Variants in BRD3 observed in about 807,000 individuals in gnomAD.
BRD3 encodes the protein bromodomain-containing protein 3.
In BRD3, 17 loss-of-function variants were observed where a neutral mutation model predicts 66.8. The ratio of observed to expected loss-of-function variants is 0.25; its 90% CI spans 0.17 to 0.38. The LOEUF (loss-of-function observed/expected upper bound fraction) is 0.38, where lower values mean the gene tolerates loss of function less well. BRD3 is among the 10% of genes least tolerant of loss of function. BRD3 has a pLI of 1.00. For missense variants in BRD3, 713 were observed against 956.1 expected (o/e 0.75, Z 3.35); for synonymous variants, 421 against 393.2 (o/e 1.07, Z -0.84).
chr9:134,050,035 G>T (rs1450212411), intron 5 of BRD3, among the ~76,000 whole-genome samples: 2 of 152,230 alleles, frequency 1.3e-5, no homozygotes, highest in African/African-American at 4.8e-5. Context: ...ACTCTCCTGA[G>T]TGTGAGCAGG....
At chr9:134,059,815 A>G (rs1371118900) in intron 1 of BRD3, among the ~76,000 whole-genome samples, 1 of 152,232 alleles carries the variant, frequency 6.6e-6, no homozygotes, top group East Asian at 1.9e-4. Flanking sequence ...TGTGCGGGCA[A>G]GGCCCCCTCA....
Position 134,040,197 on chromosome 9 carries a change from T to C in BRD3, c.1480A>G (p.Lys494Glu). 6.3e-7 allele frequency: 1 copy of C among 1,576,360 alleles called. No homozygotes were observed. The highest frequency in any genetic ancestry group is 8.6e-7 in the Non-Finnish European group (1 of 1,161,164). The change falls in exon 9 of 12, where the codon AAG becomes GAG. Residue 494 changes from lysine (K) to glutamate (E), a missense_variant. Around this residue, in one of 5 missense-constraint regions of BRD3, gnomAD observed 418 missense variants for 609.3 expected, o/e 0.69. Transcript: ENST00000303407. ...PVNKPKKKKE[K>E]KEKEKKKKDK... ...TTCTTCTTCTTCTCCTTCTCCTTCT[T>C]CTCCTTCTTCTTCTTTGGTTTGTTT...
intron 1 of BRD3, 70 bp downstream of exon 1, chr9:134,067,875 C>A (rs896717656): frequency 6.9e-6 from 1 of 144,816 alleles, no homozygotes; most frequent in African/African-American, 2.5e-5. Flanking sequence ...GCTCCCCGGC[C>A]CAGCCCGGCC....
intron 5 of BRD3, among the ~76,000 whole-genome samples, chr9:134,049,236 A>G (rs1326452621): frequency 6.6e-6 from 1 of 152,118 alleles, no homozygotes; most frequent in African/African-American, 2.4e-5. Flanking sequence ...GGCAGCCTGC[A>G]AGGGCCTCAG....
At chr9:134,036,831 A>C (rs1193200407) in intron 9 of BRD3, among the ~76,000 whole-genome samples, 1 of 151,780 alleles carries the variant, frequency 6.6e-6, no homozygotes, top group Non-Finnish European at 1.5e-5. Context: ...CCACGGTGAA[A>C]CCTCGTCTCT....
intron 7 of BRD3, 35 bp from the exon 8 acceptor site, chr9:134,041,986 G>C (rs467317): frequency 5.3e-6 from 8 of 1,521,204 alleles, no homozygotes; most frequent in Non-Finnish European, 6.2e-6. Context: ...GAAGACATGG[G>C]TGCCCATGGG....
chr9:134,050,173 G>A (rs1830259014), intron 5 of BRD3, among the ~76,000 whole-genome samples: 1 of 152,220 alleles, frequency 6.6e-6, no homozygotes, highest in Non-Finnish European at 1.5e-5. Context: ...CTTACCAGCT[G>A]TGTGACCTTC....
chr9:134,050,001 A>G lies in BRD3; in HGVS notation c.714+373T>C, dbSNP rs530532557. Among the ~76,000 whole-genome samples the G allele has an allele frequency of 2.6e-5, 4 of 152,158 alleles. No homozygotes were observed. The South Asian group carries it at 8.3e-4, about 32-fold the overall frequency. ...CTTGGGTGCTGGCACCTCACAACGC[A>G]CCCAGGTAGGTACAGCTGGCACCAC... is the stretch of plus-strand genomic sequence containing the variant. On this transcript the variant is annotated intron_variant, in intron 5 of 11. Transcript: ENST00000303407.
At chr9:134,048,987 C>T (rs776798849) in intron 5 of BRD3, among the ~76,000 whole-genome samples, 6 of 152,032 alleles carry the variant, frequency 3.9e-5, no homozygotes, top group Non-Finnish European at 7.4e-5. Flanking sequence ...AGGGGCAGCC[C>T]AACCAGGAGG....
intron 5 of BRD3, 42 bp from the exon 6 acceptor site, chr9:134,048,496 C>T: frequency 1.3e-6 from 2 of 1,596,060 alleles, no homozygotes; most frequent in Non-Finnish European, 1.7e-6. Context: ...AAACCAGGGG[C>T]CCCGAAGACG....
chr9:134,064,907 C>G (rs910015860), intron 1 of BRD3, among the ~76,000 whole-genome samples: 3 of 152,232 alleles, frequency 2.0e-5, no homozygotes, highest in African/African-American at 7.2e-5. Flanking sequence ...AACACAGGAG[C>G]AAGGCCATTC....
At chr9:134,036,472 G>T in intron 9 of BRD3, 148 bp from the exon 10 acceptor site, 1 of 1,577,578 alleles carries the variant, frequency 6.3e-7, no homozygotes, top group Middle Eastern at 1.7e-4. Context: ...GAAAATCCAA[G>T]GTTAGAAAAG....
intron 9 of BRD3, among the ~76,000 whole-genome samples, chr9:134,039,562 T>C (rs577534270): frequency 6.6e-6 from 1 of 152,302 alleles, no homozygotes; most frequent in East Asian, 1.9e-4. Flanking sequence ...GCTCCTTCCC[T>C]ACTAGCTCAC....
chr9:134,057,468 A>C, intron 1 of BRD3: 1 of 152,254 alleles, frequency 6.6e-6, no homozygotes. Flanking sequence ...CAGTGGAGAA[A>C]CACCACAAAC....
In BRD3 at chr9:134,041,753, T is replaced by C. The variant is rs767719157; in HGVS notation, c.1407+7A>G. The C allele has an allele frequency of 8.1e-6, 13 of 1,608,312 alleles. No individual in the cohort carries two copies. In the South Asian group the frequency reaches 1.1e-4, roughly 14 times the overall value. On this transcript the variant is annotated splice_region_variant and intron_variant, in intron 8 of 11. Coordinates refer to ENST00000303407, the MANE Select transcript of BRD3 (RefSeq NM_007371.4). The stretch of plus-strand genomic sequence containing the variant: ...CCTGAACCCCACCCAAGCATGCCAG[T>C]GCCCACCTGCTCCTGCAGCTCCGCC...
chr9:134,037,129 G>A (rs1441779113), intron 9 of BRD3, among the ~76,000 whole-genome samples: 1 of 152,100 alleles, frequency 6.6e-6, no homozygotes, highest in African/African-American at 2.4e-5. Flanking sequence ...CTACACAAAT[G>A]CCACTTTAAA....
At chr9:134,064,288 G>C (rs1364144672) in intron 1 of BRD3, among the ~76,000 whole-genome samples, 1 of 152,146 alleles carries the variant, frequency 6.6e-6, no homozygotes, top group Non-Finnish European at 1.5e-5. Flanking sequence ...AGCACTTTGG[G>C]AGGCTGAGAT....
At chr9:134,065,822 G>C (rs913248947) in intron 1 of BRD3, among the ~76,000 whole-genome samples, 1 of 152,230 alleles carries the variant, frequency 6.6e-6, no homozygotes, top group African/African-American at 2.4e-5. Flanking sequence ...CTGCCGCCTG[G>C]TGCACAGGGC....
At chr9:134,049,515 G>A (rs371501171) in intron 5 of BRD3, among the ~76,000 whole-genome samples, 9 of 152,214 alleles carry the variant, frequency 5.9e-5, no homozygotes, top group East Asian at 1.9e-4. Flanking sequence ...GGCGCGTGCC[G>A]CACAGGGCGG....
Sources: allele counts gnomAD v4.1 joint callset (sites outside exome capture counted in the v4.1 genomes callset), GRCh38; gene constraint gnomAD v4.1.1; regional missense constraint gnomAD v4.1.1; transcripts MANE v1.5; gene names NCBI Gene and HGNC (gene_info 2026-07-23, HGNC 2026-07-21).